Variants in PPP1R9A observed in about 807,000 individuals in gnomAD.
PPP1R9A encodes protein phosphatase 1 regulatory subunit 9A.
PPP1R9A carries 59 observed loss-of-function variants against 141.9 expected under a neutral mutation model. The ratio of observed to expected loss-of-function variants is 0.42; its 90% confidence interval spans 0.34 to 0.52. PPP1R9A has a LOEUF of 0.52. PPP1R9A is among the 20% of genes least tolerant of loss of function. The pLI is 0.10. For synonymous variants in PPP1R9A, 500 were observed against 569.7 expected, an observed-to-expected ratio of 0.88 and a Z score of 1.74; for missense variants, 1,444 against 1,611.9, an observed-to-expected ratio of 0.90 and a Z score of 1.78.
At chr7:95,005,637 T>C (rs1471601075) in intron 2 of PPP1R9A, among the ~76,000 whole-genome samples, 1 of 152,178 alleles carries the variant, frequency 6.6e-6, no homozygotes, top group Non-Finnish European at 1.5e-5. Flanking sequence ...TTTCAGCTCA[T>C]TTTAGGATCA....
chr7:95,066,147 T>G (rs777756497), intron 2 of PPP1R9A, among the ~76,000 whole-genome samples: 245 of 152,314 alleles, frequency 1.6e-3, no homozygotes, highest in Non-Finnish European at 1.9e-3. Context: ...ACAATCTGAC[T>G]GGTGTCCTTA....
chr7:95,250,288 T>C (rs771701652), intron 10 of PPP1R9A, 33 bp downstream of exon 10: 18 of 1,546,600 alleles, frequency 1.2e-5, no homozygotes, highest in Middle Eastern at 1.7e-4. Flanking sequence ...AGAATAGTTA[T>C]GTTTGTCTAA....
chr7:95,101,615 C>T (rs566298881), intron 2 of PPP1R9A, among the ~76,000 whole-genome samples: 79 of 152,162 alleles, frequency 5.2e-4, no homozygotes, highest in Non-Finnish European at 1.0e-3. Flanking sequence ...TAGCCCCACC[C>T]CAAGGCAACA....
chr7:95,067,933 A>AT (rs1484233830), intron 2 of PPP1R9A, among the ~76,000 whole-genome samples: 1 of 152,114 alleles, frequency 6.6e-6, no homozygotes, highest in African/African-American at 2.4e-5. Flanking sequence ...TTAAAACTGG[A>AT]TATGTGGAAA....
At chr7:95,124,718 CTCTT>C (rs1823250391) in intron 4 of PPP1R9A, among the ~76,000 whole-genome samples, 1 of 152,122 alleles carries the variant, frequency 6.6e-6, no homozygotes, top group African/African-American at 2.4e-5. Flanking sequence ...TTCTTAATAA[CTCTT>C]TCTATTTAAG....
intron 5 of PPP1R9A, among the ~76,000 whole-genome samples, chr7:95,188,606 T>G (rs75252508): frequency 0.13 from 20,048 of 150,408 alleles, 1,537 homozygotes; most frequent in African/African-American, 0.19. Flanking sequence ...TTTTGTTTTT[T>G]TTTTTTTTTT....
At chr7:95,192,711 G>A (rs1835684712) in intron 5 of PPP1R9A, among the ~76,000 whole-genome samples, 1 of 151,956 alleles carries the variant, frequency 6.6e-6, no homozygotes, top group East Asian at 1.9e-4. Context: ...ATAGTTTGGT[G>A]GATTTGTCCC....
At chr7:94,935,151 T>G (rs1794633019) in intron 2 of PPP1R9A, among the ~76,000 whole-genome samples, 1 of 152,240 alleles carries the variant, frequency 6.6e-6, no homozygotes, top group Non-Finnish European at 1.5e-5. Flanking sequence ...CATTGTGTTT[T>G]CATACATTGT....
At chr7:95,001,229 G>C (rs942384627) in intron 2 of PPP1R9A, among the ~76,000 whole-genome samples, 9 of 152,096 alleles carry the variant, frequency 5.9e-5, no homozygotes, top group African/African-American at 1.7e-4. Context: ...TAAGGACTTG[G>C]CTTGCATGAT....
chr7:95,086,286 T>C (rs1461253894), intron 2 of PPP1R9A, among the ~76,000 whole-genome samples: 1 of 152,022 alleles, frequency 6.6e-6, no homozygotes, highest in Non-Finnish European at 1.5e-5. Context: ...TAGTTTAGGA[T>C]TTTTATGTCT....
intron 2 of PPP1R9A, among the ~76,000 whole-genome samples, chr7:95,093,191 G>A (rs1469092242): frequency 1.3e-5 from 2 of 152,082 alleles, no homozygotes; most frequent in African/African-American, 2.4e-5. Flanking sequence ...AGACCACCAT[G>A]ACTAGAATGC....
At chr7:95,240,883 G>T (rs1797353066) in intron 8 of PPP1R9A, among the ~76,000 whole-genome samples, 1 of 152,072 alleles carries the variant, frequency 6.6e-6, no homozygotes, top group Non-Finnish European at 1.5e-5. Flanking sequence ...TGCAGTATTT[G>T]TTAATAGACC....
chr7:95,256,072 G>C lies in PPP1R9A; in HGVS notation c.2665+3942G>C, dbSNP rs556489806. On this transcript the variant is annotated intron_variant, in intron 12 of 19. Coordinates refer to ENST00000433360, the MANE Select transcript of PPP1R9A (RefSeq NM_001166160.2). ...ATCTTCCCAAAAGTGTGAACAAGGA[G>C]GGTTATATAAGGCATTTTATACTTT... Among the ~76,000 whole-genome samples the C allele has an allele frequency of 1.8e-3, 267 of 152,098 alleles. 1 individual carries two copies. Among genetic ancestry groups the C allele is most frequent in the Non-Finnish European group, 3.3e-3 (227 of 67,974 alleles).
At chr7:95,163,688 C>G (rs777356109) in intron 5 of PPP1R9A, among the ~76,000 whole-genome samples, 9 of 152,074 alleles carry the variant, frequency 5.9e-5, no homozygotes, top group Non-Finnish European at 1.0e-4. Flanking sequence ...GTGGGATGCT[C>G]AACCTGTATA....
At chr7:95,143,246 T>C (rs779538189) in intron 4 of PPP1R9A, among the ~76,000 whole-genome samples, 15 of 152,196 alleles carry the variant, frequency 9.9e-5, no homozygotes, top group Non-Finnish European at 2.1e-4. Flanking sequence ...TGCTTAGCTT[T>C]CTGGTGTCAT....
chr7:95,041,463 TAAGTG>T (rs909730153), intron 2 of PPP1R9A, among the ~76,000 whole-genome samples: 1 of 152,210 alleles, frequency 6.6e-6, no homozygotes, highest in Non-Finnish European at 1.5e-5. Flanking sequence ...CTTGACAATG[TAAGTG>T]TAGATTGTTT....
rs568658991 is a variant in PPP1R9A, at chr7:95,147,400, G to A, written c.1650-14467G>A. 3.3e-5 allele frequency among the ~76,000 whole-genome samples: 5 copies of A among 152,306 alleles called. 1 individual carries two copies. Among genetic ancestry groups the A allele is most frequent in the African/African-American group, 1.2e-4 (5 of 41,558 alleles). ...CCAGCTTAAGGAGTTTTTGGACTGA[G>A]ATGATGGGGTTTTCTAAATATACAA... On this transcript the variant is annotated intron_variant, in intron 4 of 19. Coordinates refer to ENST00000433360, the MANE Select transcript of PPP1R9A (RefSeq NM_001166160.2).
intron 4 of PPP1R9A, among the ~76,000 whole-genome samples, chr7:95,124,156 G>A (rs1823131042): frequency 6.6e-6 from 1 of 152,056 alleles, no homozygotes; most frequent in Non-Finnish European, 1.5e-5. Context: ...CACCACTACT[G>A]GTGTGTTCAT....
At chr7:95,198,993 A>G (rs1458715339) in intron 6 of PPP1R9A, among the ~76,000 whole-genome samples, 1 of 152,208 alleles carries the variant, frequency 6.6e-6, no homozygotes, top group African/African-American at 2.4e-5. Context: ...GGATCTGCTT[A>G]CTATGATTTG....
Sources: gnomAD v4.1 joint callset for allele counts (sites outside exome capture counted in the v4.1 genomes callset) on GRCh38, gnomAD v4.1.1 for gene constraint, MANE v1.5 for transcripts, NCBI Gene and HGNC (gene_info 2026-07-23, HGNC 2026-07-21) for gene names.